PLCXD3: variants seen among roughly 807,000 people sequenced by gnomAD.
PLCXD3 encodes phosphatidylinositol specific phospholipase C X domain containing 3.
A neutral mutation model predicts 25.5 loss-of-function variants in PLCXD3; 19 were observed. That is an observed-to-expected ratio of 0.75 (90% confidence interval 0.52 to 1.09). PLCXD3 has a LOEUF of 1.09. Ranked by LOEUF, PLCXD3 falls within the 50% of genes least tolerant of loss-of-function variation. PLCXD3 has a pLI of 0.00. For synonymous variants in PLCXD3, 174 were observed against 137.6 expected (o/e 1.26, Z -1.85); for missense variants, 411 against 388.1 (o/e 1.06, Z -0.50).
intron 1 of PLCXD3, among the ~76,000 whole-genome samples, chr5:41,403,406 T>TGTTTTTG (rs1371630089): frequency 6.5e-5 from 2 of 30,724 alleles, no homozygotes; most frequent in African/African-American, 1.2e-4. Flanking sequence ...TTGTTGTTTT[T>TGTTTTTG]TTTTTTTTTT....
chr5:41,421,382 G>C (rs987575003), intron 1 of PLCXD3, among the ~76,000 whole-genome samples: 2 of 152,182 alleles, frequency 1.3e-5, no homozygotes, highest in South Asian at 4.1e-4. Flanking sequence ...GTATTATTCC[G>C]TTAGATGTTT....
intron 2 of PLCXD3, among the ~76,000 whole-genome samples, chr5:41,330,992 C>A (rs1167152826): frequency 3.9e-5 from 6 of 152,088 alleles, no homozygotes; most frequent in Admixed American, 3.3e-4. Flanking sequence ...CAATATCATA[C>A]TGAATGGGCA....
intron 1 of PLCXD3, among the ~76,000 whole-genome samples, chr5:41,420,007 AT>A (rs1424247432): frequency 1.3e-5 from 2 of 152,154 alleles, no homozygotes; most frequent in African/African-American, 2.4e-5. Context: ...ATTTCCCATA[AT>A]TACTCATCTA....
At chr5:41,481,068 G>C (rs1408197145) in intron 1 of PLCXD3, among the ~76,000 whole-genome samples, 1 of 126,142 alleles carries the variant, frequency 7.9e-6, no homozygotes, top group Non-Finnish European at 1.6e-5. Flanking sequence ...TGTCAATGGA[G>C]AGAGTCCTGA....
chr5:41,353,681 A>G (rs1744538008), intron 2 of PLCXD3, among the ~76,000 whole-genome samples: 1 of 152,228 alleles, frequency 6.6e-6, no homozygotes, highest in Non-Finnish European at 1.5e-5. Context: ...TAATAAATGA[A>G]TTATTAGGTA....
At chr5:41,422,212 A>G (rs1746845678) in intron 1 of PLCXD3, among the ~76,000 whole-genome samples, 1 of 152,204 alleles carries the variant, frequency 6.6e-6, no homozygotes, top group South Asian at 2.1e-4. Flanking sequence ...TCCTATAAAT[A>G]ACTTCCTTAT....
intron 1 of PLCXD3, among the ~76,000 whole-genome samples, chr5:41,481,101 G>GT (rs1748403175): frequency 1.9e-5 from 1 of 51,700 alleles, no homozygotes; most frequent in East Asian, 5.9e-4. Flanking sequence ...GACCTAATTT[G>GT]TAAAAAAAAA....
At chr5:41,361,731 G>A (rs370384574) in intron 2 of PLCXD3, among the ~76,000 whole-genome samples, 19 of 152,282 alleles carry the variant, frequency 1.2e-4, no homozygotes, top group African/African-American at 4.6e-4. Flanking sequence ...ACATCTCAGA[G>A]CTGTCAGTTA....
intron 1 of PLCXD3, among the ~76,000 whole-genome samples, chr5:41,460,679 C>T (rs1349091350): frequency 2.6e-5 from 4 of 151,948 alleles, no homozygotes; most frequent in Non-Finnish European, 5.9e-5. Context: ...AGATTCATTG[C>T]CCTTTTTACA....
At chr5:41,323,511 T>TGAAAAA (rs1218447080) in intron 2 of PLCXD3, among the ~76,000 whole-genome samples, 3 of 151,570 alleles carry the variant, frequency 2.0e-5, no homozygotes, top group African/African-American at 4.9e-5. Flanking sequence ...CCCACAAAAA[T>TGAAAAA]GAAAAAGAAA....
chr5:41,498,284 G>C (rs1331460693), intron 1 of PLCXD3, among the ~76,000 whole-genome samples: 1 of 151,292 alleles, frequency 6.6e-6, no homozygotes, highest in African/African-American at 2.4e-5. Context: ...GTGACATTTA[G>C]CTAAAGAAAG....
At chr5:41,382,795 T>C (rs1745511985) in intron 1 of PLCXD3, among the ~76,000 whole-genome samples, 1 of 152,120 alleles carries the variant, frequency 6.6e-6, no homozygotes. Context: ...AATAATCATC[T>C]ATTCTGTGAA....
Position 41,394,758 on chromosome 5 carries a change from G to A in PLCXD3, c.104-12224C>T, listed in dbSNP as rs543236329. On this transcript the variant is annotated intron_variant, in intron 1 of 2. Coordinates refer to ENST00000377801, the MANE Select transcript of PLCXD3 (RefSeq NM_001005473.3). ...AATGATAAAAGTATTAATTTCACAA[G>A]AGTATATAAAGTATATAACAATTTT... Among the ~76,000 whole-genome samples, 3 of 152,196 alleles carry A rather than the reference G, an allele frequency of 2.0e-5. No individual in the cohort carries two copies. In the East Asian group the frequency reaches 5.8e-4, roughly 29 times the overall value.
At chr5:41,328,668 G>A (rs1168383269) in intron 2 of PLCXD3, among the ~76,000 whole-genome samples, 1 of 152,120 alleles carries the variant, frequency 6.6e-6, no homozygotes, top group Non-Finnish European at 1.5e-5. Flanking sequence ...AGGATTCTTA[G>A]AAGAGAAACA....
intron 1 of PLCXD3, among the ~76,000 whole-genome samples, chr5:41,432,497 T>C (rs1233168111): frequency 6.6e-6 from 1 of 152,196 alleles, no homozygotes; most frequent in African/African-American, 2.4e-5. Context: ...CCTTATTTGA[T>C]AGGGTCTTAA....
chr5:41,373,588 C>T (rs1332922447), intron 2 of PLCXD3, among the ~76,000 whole-genome samples: 1 of 152,078 alleles, frequency 6.6e-6, no homozygotes, highest in African/African-American at 2.4e-5. Context: ...ACGGCCAGCC[C>T]GCAGGCCGCA....
chr5:41,422,080 A>G (rs1399297851), intron 1 of PLCXD3, among the ~76,000 whole-genome samples: 1 of 152,106 alleles, frequency 6.6e-6, no homozygotes. Context: ...CACTTACTGT[A>G]TTTTTATCTT....
chr5:41,430,674 T>C (rs1747077731), intron 1 of PLCXD3, among the ~76,000 whole-genome samples: 1 of 152,190 alleles, frequency 6.6e-6, no homozygotes, highest in Non-Finnish European at 1.5e-5. Context: ...ACTTATTATT[T>C]AGTGTCATTC....
intron 1 of PLCXD3, among the ~76,000 whole-genome samples, chr5:41,468,678 A>G (rs1274455836): frequency 3.9e-5 from 6 of 152,098 alleles, no homozygotes; most frequent in South Asian, 2.1e-4. Context: ...ATAGTCTGTT[A>G]TTAGTATATA....
Sources: allele counts gnomAD v4.1 joint callset (sites outside exome capture counted in the v4.1 genomes callset), GRCh38; gene constraint gnomAD v4.1.1; transcripts MANE v1.5; gene names NCBI Gene and HGNC (gene_info 2026-07-23, HGNC 2026-07-21).